Variants in TOP3A observed in about 807,000 individuals in gnomAD.
TOP3A encodes DNA topoisomerase III alpha.
In TOP3A, 64 loss-of-function variants were observed where a neutral mutation model predicts 111.3. The ratio of observed to expected loss-of-function variants is 0.57; its 90% CI spans 0.47 to 0.71. The LOEUF is 0.71. TOP3A is among the 30% of genes least tolerant of loss of function. The probability of loss-of-function intolerance (pLI) is 0.00; values close to 1 mark genes in which losing one functional copy is unlikely to be tolerated. For synonymous variants in TOP3A, 484 were observed against 485.1 expected (o/e 1.00, Z 0.03); for missense variants, 1,104 against 1,285.0 (o/e 0.86, Z 2.15).
rs142107805 is a variant in TOP3A at position 18,299,078 on chromosome 17, T to TA, written c.990+480dup. On this transcript the variant is annotated intron_variant, in intron 9 of 18. Transcript: ENST00000321105. ...AAAAAAATAAAAATAAAATTAAAAT[T>TA]AAAAAAAAAAAAGAGCAAAACTCCA... Among the ~76,000 whole-genome samples, 1,140 of 140,158 alleles carry TA rather than the reference T, an allele frequency of 8.1e-3. 4 individuals carry two copies. Among genetic ancestry groups the TA allele is most frequent in the South Asian group, 0.025 (113 of 4,444 alleles). The allele number at this position is 140,158 out of a possible 152,430, so 91.9% of individuals were successfully genotyped here. A position where few individuals can be genotyped will look rare whatever the true frequency, so the allele number is the denominator to read the frequency against.
Position 18,291,110 on chromosome 17 carries a change from T to C in TOP3A, c.1282-83A>G, listed in dbSNP as rs148060777. 1.8e-3 allele frequency: 2,595 copies of C among 1,422,742 alleles called. 40 individuals are homozygous for C. In the African/African-American group the frequency reaches 0.031, roughly 17 times the overall value. The allele number at this position is 1,422,742 out of a possible 1,614,324, so 88.1% of individuals were successfully genotyped here. A position where few individuals can be genotyped will look rare whatever the true frequency, so the allele number is the denominator to read the frequency against. On this transcript the variant is annotated intron_variant, in intron 11 of 18. Transcript: ENST00000321105. Reference sequence around the variant, plus strand: ...AGCATCACTGGTAGCCTTAGCCTAATGTCCTGCACAGAAGAGGCCACACTG... The same window carrying C: ...AGCATCACTGGTAGCCTTAGCCTAACGTCCTGCACAGAAGAGGCCACACTG...
intron 2 of TOP3A, 75 bp downstream of exon 2, chr17:18,308,807 T>C: frequency 1.1e-6 from 1 of 943,706 alleles, no homozygotes; most frequent in Non-Finnish European, 1.6e-6. Flanking sequence ...GACAGCGACA[T>C]ATTCTACATA....
chr17:18,278,728 C>A (rs1321748406), intron 17 of TOP3A, among the ~76,000 whole-genome samples: 1 of 152,130 alleles, frequency 6.6e-6, no homozygotes, highest in Non-Finnish European at 1.5e-5. Flanking sequence ...ACCTGTAATC[C>A]CAGCACTTTG....
At chr17:18,286,159 C>G (rs905584335) in intron 13 of TOP3A, among the ~76,000 whole-genome samples, 122 of 149,608 alleles carry the variant, frequency 8.2e-4, no homozygotes, top group Admixed American at 2.2e-3. Context: ...GAGATGGCAC[C>G]GTTGCACTCC....
At chr17:18,291,147 C>T (rs1293257298) in intron 11 of TOP3A, 120 bp from the exon 12 acceptor site, 3 of 1,023,250 alleles carry the variant, frequency 2.9e-6, no homozygotes, top group African/African-American at 3.2e-5. Flanking sequence ...TCCTCAGGCC[C>T]TGCACTAACA....
rs201230376 is a variant in TOP3A, at chr17:18,308,223, C to CAAAAAAAAAAAAA, written c.314+115_314+127dup. 2.6e-5 allele frequency: 6 copies of CAAAAAAAAAAAAA among 231,314 alleles called. No individual in the cohort carries two copies. The East Asian group carries it at 3.7e-4, about 14-fold the overall frequency. 14.3% of individuals were successfully genotyped at this position (231,314 alleles called of 1,614,324 possible). A position where few individuals can be genotyped will look rare whatever the true frequency, so the allele number is the denominator to read the frequency against. Reference sequence around the variant, plus strand: ...TCTCACTCTGAAACTTTGTCTCCAACAAAAAAAAAAAAAAAAAAAAAAAAA... The same window carrying CAAAAAAAAAAAAA: ...TCTCACTCTGAAACTTTGTCTCCAACAAAAAAAAAAAAAAAAAAAAAAAAAAAAAAAAAAAAAA... On this transcript the variant is annotated intron_variant, in intron 3 of 18. Coordinates refer to ENST00000321105, the MANE Select transcript of TOP3A (RefSeq NM_004618.5).
chr17:18,305,922 C>T (rs759570918), intron 4 of TOP3A, among the ~76,000 whole-genome samples: 17 of 151,996 alleles, frequency 1.1e-4, no homozygotes, highest in South Asian at 1.0e-3. Flanking sequence ...AATTAACTGG[C>T]CAGGCTCGGT....
At chr17:18,284,557 G>A (rs755216776) in intron 15 of TOP3A, among the ~76,000 whole-genome samples, 4 of 152,004 alleles carry the variant, frequency 2.6e-5, no homozygotes, top group Admixed American at 1.3e-4. Context: ...AAAATTCCAA[G>A]GGTATCAGAA....
chr17:18,277,923 G>A lies in TOP3A; in HGVS notation c.2579C>T (p.Pro860Leu). ...DSPNPGAGGPPALAYRPLGAS... is the reference protein window; with the variant it reads ...DSPNPGAGGPLALAYRPLGAS... ...GCCCAGGGGTCTATATGCCAAGGCA[G>A]GAGGCCCTCCTGCTCCCGGATTGGG... Residue 860 changes from proline (P) to leucine (L), a missense_variant, in exon 18 of 19, where the codon CCT becomes CTT. Coordinates refer to ENST00000321105, the MANE Select transcript of TOP3A (RefSeq NM_004618.5). 1 of 1,613,958 alleles carries A rather than the reference G, an allele frequency of 6.2e-7. No individual in the cohort carries two copies. The highest frequency in any genetic ancestry group is 8.5e-7 in the Non-Finnish European group (1 of 1,180,030).
intron 18 of TOP3A, among the ~76,000 whole-genome samples, chr17:18,276,286 T>C (rs1232718407): frequency 6.6e-6 from 1 of 152,194 alleles, no homozygotes; most frequent in African/African-American, 2.4e-5. Context: ...CAACAGGCCT[T>C]TCCAGACCAG....
Position 18,274,899 on chromosome 17 carries a change from C to A in TOP3A, c.2909G>T (p.Ser970Ile), listed in dbSNP as rs1351664221. 1.4e-5 allele frequency: 22 copies of A among 1,614,214 alleles called. No homozygotes were observed. The highest frequency in any genetic ancestry group is 1.9e-5 in the Non-Finnish European group (22 of 1,180,040). The change falls in exon 19 of 19, where the codon AGT becomes ATT. Residue 970 changes from serine to isoleucine, a missense_variant. By Grantham distance (142) the Ser-to-Ile change is moderately radical. Coordinates refer to ENST00000321105, the MANE Select transcript of TOP3A (RefSeq NM_004618.5). Reference protein sequence around the residue: ...SEARSKRPRASSSDMGSTAKK... With the variant: ...SEARSKRPRAISSDMGSTAKK... ...TGCTGTGGACCCCATGTCTGAGGAACTGGCCCGGGGCCTTTTGCTTCTGGC... is the reference window on the plus strand; with the variant it reads ...TGCTGTGGACCCCATGTCTGAGGAAATGGCCCGGGGCCTTTTGCTTCTGGC...
intron 8 of TOP3A, among the ~76,000 whole-genome samples, chr17:18,301,064 G>A (rs1981196648): frequency 6.6e-6 from 1 of 152,250 alleles, no homozygotes; most frequent in African/African-American, 2.4e-5. Flanking sequence ...GTGCTGCACA[G>A]TTATCACATC....
chr17:18,285,631 G>A (rs1379173048), intron 13 of TOP3A, 111 bp from the exon 14 acceptor site: 1 of 814,850 alleles, frequency 1.2e-6, no homozygotes, highest in Non-Finnish European at 2.0e-6. Context: ...GACAGCCTAT[G>A]CAGGTAAGAT....
chr17:18,301,420 C>G (rs913944912), intron 8 of TOP3A, among the ~76,000 whole-genome samples: 1 of 152,222 alleles, frequency 6.6e-6, no homozygotes, highest in Non-Finnish European at 1.5e-5. Flanking sequence ...TCCCTCCGGC[C>G]TTTCTCTATC....
chr17:18,271,812 T>C lies in TOP3A; in HGVS notation c.*2990A>G, dbSNP rs1409333650. ...TGTGATGGCTCCTGCCTGTTAATCC[T>C]AGCACTTTGGGAGGCCGAGGCTGGT... On this transcript the variant is annotated 3_prime_UTR_variant, in exon 19 of 19. Transcript: ENST00000321105. 2 of 443,162 alleles carry C rather than the reference T, an allele frequency of 4.5e-6. No homozygotes were observed. Among genetic ancestry groups the C allele is most frequent in the Admixed American group, 2.6e-5 (1 of 38,990 alleles). 27.5% of individuals were successfully genotyped at this position (443,162 alleles called of 1,614,324 possible). A position where few individuals can be genotyped will look rare whatever the true frequency, so the allele number is the denominator to read the frequency against.
rs371713772 is a variant in TOP3A at position 18,274,766 on chromosome 17, G to T, written c.*36C>A. ...TCATTTCTAAACACAAAGGGGACAG[G>T]TCTGAGAAAGTGGCGTTCTCTACCC... is the stretch of plus-strand genomic sequence containing the variant. On this transcript the variant is annotated 3_prime_UTR_variant, in exon 19 of 19. Coordinates refer to ENST00000321105, the MANE Select transcript of TOP3A (RefSeq NM_004618.5). 25 of 1,595,096 alleles carry T rather than the reference G, an allele frequency of 1.6e-5. No individual in the cohort carries two copies. In the African/African-American group the frequency reaches 2.8e-4, roughly 18 times the overall value.
chr17:18,282,852 G>A lies in TOP3A; in HGVS notation c.1878-11C>T. On this transcript the variant is annotated splice_polypyrimidine_tract_variant and intron_variant, in intron 15 of 18. Transcript: ENST00000321105. ...AAGGCCTCGTCCAATCTGAAGAAAA[G>A]GCAAAGACAGACACCCATCAGCCAG... The A allele has an allele frequency of 6.2e-7, 1 of 1,613,812 alleles. No homozygotes were observed. The highest frequency in any genetic ancestry group is 8.5e-7 in the Non-Finnish European group (1 of 1,180,000).
chr17:18,288,999 T>G (rs1421017980), intron 13 of TOP3A, among the ~76,000 whole-genome samples: 1 of 152,112 alleles, frequency 6.6e-6, no homozygotes, highest in Non-Finnish European at 1.5e-5. Context: ...CCTATAGGCA[T>G]GCACCTAATT....
intron 11 of TOP3A, among the ~76,000 whole-genome samples, 180 bp downstream of exon 11, chr17:18,292,465 C>A (rs543959430): frequency 6.6e-6 from 1 of 152,132 alleles, no homozygotes; most frequent in African/African-American, 2.4e-5. Context: ...AAGACGGGGG[C>A]CCACCACGGG....
Sources: gnomAD v4.1 joint callset for allele counts (sites outside exome capture counted in the v4.1 genomes callset) on GRCh38, gnomAD v4.1.1 for gene constraint, MANE v1.5 for transcripts, NCBI Gene and HGNC (gene_info 2026-07-23, HGNC 2026-07-21) for gene names.